CALD1: variants seen among roughly 807,000 people sequenced by gnomAD.
CALD1 encodes the protein caldesmon.
CALD1 carries 33 observed loss-of-function variants against 99.9 expected under a neutral mutation model. The observed-to-expected ratio is 0.33, with a 90% CI of 0.25 to 0.44. The LOEUF is 0.44. Ranked by LOEUF, CALD1 falls within the 20% of genes least tolerant of loss-of-function variation. The probability of loss-of-function intolerance (pLI) is 1.00; values close to 1 mark genes in which losing one functional copy is unlikely to be tolerated. For synonymous variants in CALD1, 310 were observed against 325.0 expected, an observed-to-expected ratio of 0.95 and a Z score of 0.50; for missense variants, 861 against 962.1, an observed-to-expected ratio of 0.89 and a Z score of 1.39.
intron 1 of CALD1, among the ~76,000 whole-genome samples, chr7:134,793,649 C>T (rs1277727475): frequency 6.6e-6 from 1 of 152,098 alleles, no homozygotes; most frequent in Non-Finnish European, 1.5e-5. Context: ...TATCGTCAAA[C>T]TGGGACACGT....
intron 3 of CALD1, among the ~76,000 whole-genome samples, chr7:134,875,545 G>C (rs1035651850): frequency 6.6e-6 from 1 of 152,178 alleles, no homozygotes; most frequent in African/African-American, 2.4e-5. Flanking sequence ...GCTGAGACAG[G>C]AGAATTGCTT....
intron 1 of CALD1, among the ~76,000 whole-genome samples, chr7:134,764,560 ATCAC>A (rs1452633023): frequency 6.6e-6 from 1 of 152,226 alleles, no homozygotes; most frequent in Non-Finnish European, 1.5e-5. Context: ...TTCATTAGCT[ATCAC>A]TCAACTATTA....
At position 134,928,781 on chromosome 7, in the gene CALD1, T is replaced by C. The variant is rs770559644; in HGVS notation, c.99T>C (p.Asp33=). Residue 33 remains aspartate (D), a synonymous_variant, in exon 4 of 15, where the codon GAT becomes GAC. Coordinates refer to ENST00000361675, the MANE Select transcript of CALD1 (RefSeq NM_033138.4). ...ERIAYQRNDD[D]EEEAARERRR... ...TCGCCTACCAGAGGAATGACGATGA[T>C]GAAGAGGAGGCAGCCCGGGAACGGC... is the stretch of plus-strand genomic sequence containing the variant. 7 of 1,613,646 alleles carry C rather than the reference T, an allele frequency of 4.3e-6. No individual in the cohort carries two copies. The Admixed American group carries it at 8.3e-5, about 19-fold the overall frequency.
intron 3 of CALD1, among the ~76,000 whole-genome samples, chr7:134,900,272 G>A (rs1329618981): frequency 6.6e-6 from 1 of 152,094 alleles, no homozygotes; most frequent in African/African-American, 2.4e-5. Context: ...CTGATTTCAT[G>A]ACTGCTGTAT....
chr7:134,840,571 G>A (rs535484318), intron 1 of CALD1, among the ~76,000 whole-genome samples: 1 of 152,282 alleles, frequency 6.6e-6, no homozygotes, highest in South Asian at 2.1e-4. Context: ...ACCTACGTCA[G>A]TCTAGCTACA....
chr7:134,822,500 A>T (rs1798821350), intron 1 of CALD1, among the ~76,000 whole-genome samples: 1 of 152,224 alleles, frequency 6.6e-6, no homozygotes, highest in African/African-American at 2.4e-5. Context: ...AGTTGAATTC[A>T]GAATATAGTG....
intron 11 of CALD1, among the ~76,000 whole-genome samples, chr7:134,958,815 C>T (rs1338181502): frequency 2.0e-5 from 3 of 146,622 alleles, no homozygotes; most frequent in African/African-American, 2.5e-5. Context: ...CTACTTTCAG[C>T]GTGAATATTG....
At chr7:134,745,251 C>T (rs1156372268) in intron 1 of CALD1, among the ~76,000 whole-genome samples, 1 of 152,196 alleles carries the variant, frequency 6.6e-6, no homozygotes, top group East Asian at 1.9e-4. Context: ...CATCCCAATT[C>T]AGTATCAGGC....
chr7:134,928,717 G>C (rs559224071), intron 3 of CALD1, 37 bp from the exon 4 acceptor site: 3 of 1,599,554 alleles, frequency 1.9e-6, no homozygotes, highest in Non-Finnish European at 2.6e-6. Flanking sequence ...CACGTGGCAA[G>C]TGGCACGCTC....
At position 134,770,243 on chromosome 7, in the gene CALD1, C is replaced by T. The variant is rs559018185; in HGVS notation, c.-130+25880C>T. On this transcript the variant is annotated intron_variant, in intron 1 of 13. Transcript: ENST00000417172. ...TTGACTGGACTCACCGGCCCAGCCC[C>T]GCTCCATGTGTCTTCTTATTCTGGA... Among the ~76,000 whole-genome samples the T allele has an allele frequency of 3.7e-3, 557 of 152,302 alleles. 2 individuals carry two copies. The highest frequency in any genetic ancestry group is 0.013 in the African/African-American group (528 of 41,564).
intron 2 of CALD1, among the ~76,000 whole-genome samples, chr7:134,855,320 G>A (rs1443645783): frequency 1.3e-5 from 2 of 152,154 alleles, no homozygotes; most frequent in African/African-American, 2.4e-5. Context: ...TCACTTGAGG[G>A]GTACGAAGGT....
At chr7:134,894,238 A>T (rs1271157126) in intron 3 of CALD1, among the ~76,000 whole-genome samples, 1 of 152,140 alleles carries the variant, frequency 6.6e-6, no homozygotes, top group Admixed American at 6.5e-5. Flanking sequence ...TCCCGGCTTG[A>T]CTTTTCCGTT....
intron 1 of CALD1, among the ~76,000 whole-genome samples, chr7:134,829,077 A>T (rs1799119427): frequency 6.6e-6 from 1 of 152,218 alleles, no homozygotes; most frequent in African/African-American, 2.4e-5. Flanking sequence ...ATATTTATTG[A>T]GTGACTACTA....
At chr7:134,963,172 A>G (rs925986108) in intron 13 of CALD1, among the ~76,000 whole-genome samples, 4 of 152,224 alleles carry the variant, frequency 2.6e-5, no homozygotes, top group Non-Finnish European at 4.4e-5. Context: ...AGCTTCCCTC[A>G]GCATGTTCCT....
At chr7:134,840,525 C>G (rs1450862059) in intron 1 of CALD1, among the ~76,000 whole-genome samples, 1 of 152,208 alleles carries the variant, frequency 6.6e-6, no homozygotes, top group Admixed American at 6.5e-5. Flanking sequence ...TCAATGAAAG[C>G]ACTGGACTGC....
At chr7:134,742,155 A>G (rs10954467), upstream of CALD1, among the ~76,000 whole-genome samples, 88,955 of 151,974 alleles carry the variant, frequency 0.59, 26,785 homozygotes, top group East Asian at 0.86. Flanking sequence ...AAATTTCAAA[A>G]GTCTGTGCAC....
intron 7 of CALD1, among the ~76,000 whole-genome samples, chr7:134,942,222 C>T (rs1449857007): frequency 6.6e-6 from 1 of 152,174 alleles, no homozygotes; most frequent in Non-Finnish European, 1.5e-5. Flanking sequence ...TTTTTCTGAA[C>T]ACTTCAAATA....
intron 1 of CALD1, among the ~76,000 whole-genome samples, chr7:134,835,174 A>T (rs774471910): frequency 1.1e-4 from 17 of 152,236 alleles, no homozygotes; most frequent in Middle Eastern, 3.2e-3. Flanking sequence ...AAGGCTACAC[A>T]TACTGATGGT....
chr7:134,812,227 T>G (rs1339797778), intron 1 of CALD1, among the ~76,000 whole-genome samples: 1 of 152,212 alleles, frequency 6.6e-6, no homozygotes, highest in Non-Finnish European at 1.5e-5. Context: ...CCCTATAAGC[T>G]GCATGCTACC....
Sources: gnomAD v4.1 joint callset for allele counts (sites outside exome capture counted in the v4.1 genomes callset) on GRCh38, gnomAD v4.1.1 for gene constraint, MANE v1.5 for transcripts, NCBI Gene and HGNC (gene_info 2026-07-23, HGNC 2026-07-21) for gene names.